The following CNTNAP2 variants were observed in gnomAD, a reference collection of about 807,000 sequenced individuals.
The protein encoded by CNTNAP2 is contactin associated protein 2.
A neutral mutation model predicts 155.2 loss-of-function variants in CNTNAP2; 98 were observed. That is an observed-to-expected ratio of 0.63 (90% confidence interval 0.54 to 0.75). The LOEUF (loss-of-function observed/expected upper bound fraction) is 0.75. Ranked by LOEUF, CNTNAP2 falls within the 30% of genes least tolerant of loss-of-function variation. The pLI is 0.00. For missense variants in CNTNAP2, 1,727 were observed against 1,688.1 expected, an observed-to-expected ratio of 1.02 and a Z score of -0.40; for synonymous variants, 651 against 631.2, an observed-to-expected ratio of 1.03 and a Z score of -0.47.
intron 13 of CNTNAP2, among the ~76,000 whole-genome samples, chr7:147,697,197 C>T (rs767239694): frequency 6.6e-5 from 10 of 152,152 alleles, no homozygotes; most frequent in African/African-American, 2.4e-4. Flanking sequence ...CTGTTAACAG[C>T]GTTTTTATTC....
intron 15 of CNTNAP2, among the ~76,000 whole-genome samples, chr7:147,993,051 G>C (rs1477801684): frequency 2.0e-5 from 3 of 152,156 alleles, no homozygotes; most frequent in African/African-American, 4.8e-5. Context: ...ATTTTGCTGT[G>C]GTATTCTCAT....
chr7:148,117,423 C>T (rs897798637), intron 15 of CNTNAP2, among the ~76,000 whole-genome samples: 4 of 152,176 alleles, frequency 2.6e-5, no homozygotes, highest in Admixed American at 1.3e-4. Flanking sequence ...ACTTCTGCCT[C>T]GTTCCCGGCT....
intron 18 of CNTNAP2, among the ~76,000 whole-genome samples, chr7:148,195,425 T>G (rs185513613): frequency 6.6e-6 from 1 of 151,972 alleles, no homozygotes; most frequent in Non-Finnish European, 1.5e-5. Flanking sequence ...AACAGGAAAA[T>G]ATTGGTGAAA....
At chr7:146,753,345 T>A (rs1215488223) in intron 1 of CNTNAP2, among the ~76,000 whole-genome samples, 1 of 151,980 alleles carries the variant, frequency 6.6e-6, no homozygotes, top group Admixed American at 6.6e-5. Flanking sequence ...ATTGATCTTT[T>A]ATGTTTTTGC....
intron 1 of CNTNAP2, among the ~76,000 whole-genome samples, chr7:146,679,571 G>A (rs1800465735): frequency 6.6e-6 from 1 of 151,950 alleles, no homozygotes; most frequent in South Asian, 2.1e-4. Context: ...TGGCCAGGCT[G>A]GTCTCGAACG....
intron 14 of CNTNAP2, among the ~76,000 whole-genome samples, chr7:147,944,504 A>G (rs1353252126): frequency 6.6e-6 from 1 of 152,236 alleles, no homozygotes; most frequent in Non-Finnish European, 1.5e-5. Flanking sequence ...TTTTTTAAAA[A>G]TCCTAACTGA....
intron 13 of CNTNAP2, among the ~76,000 whole-genome samples, chr7:147,743,598 C>G (rs767273625): frequency 1.3e-5 from 2 of 152,158 alleles, no homozygotes; most frequent in Non-Finnish European, 2.9e-5. Flanking sequence ...CTGGTAATTG[C>G]GTTTCTGCTT....
intron 22 of CNTNAP2, among the ~76,000 whole-genome samples, chr7:148,396,917 T>C (rs1204825324): frequency 6.6e-6 from 1 of 152,244 alleles, no homozygotes; most frequent in African/African-American, 2.4e-5. Flanking sequence ...GAAAATAAGA[T>C]GAATTGTTTT....
intron 1 of CNTNAP2, among the ~76,000 whole-genome samples, chr7:146,614,559 C>T (rs537330963): frequency 9.2e-5 from 14 of 152,260 alleles, no homozygotes; most frequent in African/African-American, 3.4e-4. Context: ...ATCATGTCTG[C>T]TGGGGATTCA....
intron 8 of CNTNAP2, among the ~76,000 whole-genome samples, chr7:147,183,980 G>T (rs749145199): frequency 2.6e-5 from 4 of 152,098 alleles, no homozygotes; most frequent in Admixed American, 1.3e-4. Context: ...ACATTAAGAA[G>T]AATTTGTAGG....
chr7:146,623,936 T>C (rs750090455), intron 1 of CNTNAP2, among the ~76,000 whole-genome samples: 1 of 151,958 alleles, frequency 6.6e-6, no homozygotes, highest in South Asian at 2.1e-4. Context: ...CTTAGTTTTG[T>C]GGATGTTCGC....
chr7:147,014,266 T>A (rs1798679165), intron 3 of CNTNAP2, among the ~76,000 whole-genome samples: 1 of 129,310 alleles, frequency 7.7e-6, no homozygotes, highest in Admixed American at 7.2e-5. Flanking sequence ...CGTTTGAATT[T>A]TTCATAGGTT....
chr7:147,850,944 C>T (rs1385549528), intron 13 of CNTNAP2, among the ~76,000 whole-genome samples: 1 of 152,132 alleles, frequency 6.6e-6, no homozygotes. Flanking sequence ...AACTAAAGAG[C>T]TTCTGCAGAG....
At chr7:146,579,257 C>T (rs1319059624) in intron 1 of CNTNAP2, among the ~76,000 whole-genome samples, 2 of 151,888 alleles carry the variant, frequency 1.3e-5, no homozygotes, top group Non-Finnish European at 2.9e-5. Flanking sequence ...TTAATTAAGT[C>T]TCAAACAGCT....
At chr7:148,135,214 T>A (rs146705413) in intron 16 of CNTNAP2, among the ~76,000 whole-genome samples, 2 of 152,326 alleles carry the variant, frequency 1.3e-5, no homozygotes, top group Admixed American at 6.5e-5. Flanking sequence ...GCTGGTCGGA[T>A]GTTTATCTGG....
intron 20 of CNTNAP2, among the ~76,000 whole-genome samples, chr7:148,241,898 T>C (rs1796164517): frequency 6.6e-6 from 1 of 152,238 alleles, no homozygotes; most frequent in Admixed American, 6.5e-5. Context: ...AAAATGTGTT[T>C]ACTTCGTTTT....
chr7:148,011,048 T>C (rs1202766328), intron 15 of CNTNAP2, among the ~76,000 whole-genome samples: 4 of 152,190 alleles, frequency 2.6e-5, no homozygotes, highest in Non-Finnish European at 5.9e-5. Context: ...TGCTGATAGA[T>C]AGAAATGTAA....
At chr7:147,328,339 A>G (rs1267965998) in intron 9 of CNTNAP2, among the ~76,000 whole-genome samples, 1 of 152,228 alleles carries the variant, frequency 6.6e-6, no homozygotes, top group African/African-American at 2.4e-5. Flanking sequence ...AAACTAAATC[A>G]TACATTCTGT....
intron 13 of CNTNAP2, among the ~76,000 whole-genome samples, chr7:147,662,006 T>G (rs563024492): frequency 6.6e-6 from 1 of 152,300 alleles, no homozygotes; most frequent in Admixed American, 6.5e-5. Flanking sequence ...AAGTAGTCTA[T>G]CATCCTAAAC....
Sources: allele counts gnomAD v4.1 joint callset (sites outside exome capture counted in the v4.1 genomes callset), GRCh38; gene constraint gnomAD v4.1.1; transcripts MANE v1.5; gene names NCBI Gene and HGNC (gene_info 2026-07-23, HGNC 2026-07-21).